The following SIK3 variants were observed in gnomAD, a reference collection of about 807,000 sequenced individuals.
The protein encoded by SIK3 is serine/threonine-protein kinase SIK3.
A neutral mutation model predicts 144.2 loss-of-function variants in SIK3; 28 were observed. The observed-to-expected ratio is 0.19, with a 90% CI of 0.14 to 0.27. SIK3 has a LOEUF of 0.27. Among genes scored for constraint, SIK3 ranks in the 10% least tolerant of loss-of-function variants. The pLI is 1.00. For missense variants in SIK3, 1,319 were observed against 1,776.0 expected (o/e 0.74, Z 4.62); for synonymous variants, 686 against 676.3 (o/e 1.01, Z -0.22).
At chr11:116,948,576 C>G (rs1042670827) in intron 3 of SIK3, among the ~76,000 whole-genome samples, 3 of 152,058 alleles carry the variant, frequency 2.0e-5, no homozygotes, top group African/African-American at 7.2e-5. Context: ...CATGCCCAGC[C>G]CATTTTTGTT....
At chr11:116,902,546 A>G (rs1362466954) in intron 4 of SIK3, among the ~76,000 whole-genome samples, 1 of 152,248 alleles carries the variant, frequency 6.6e-6, no homozygotes, top group Non-Finnish European at 1.5e-5. Flanking sequence ...CATCTGCAGA[A>G]GCACCTGCTT....
chr11:117,048,652 G>A (rs112151056), intron 1 of SIK3, among the ~76,000 whole-genome samples: 24,697 of 151,146 alleles, frequency 0.16, 2,129 homozygotes, highest in Admixed American at 0.21. Context: ...GCGAAACTCC[G>A]TCTCAAAAAA....
intron 1 of SIK3, among the ~76,000 whole-genome samples, chr11:116,995,653 G>A (rs374242238): frequency 3.9e-5 from 6 of 152,218 alleles, no homozygotes; most frequent in East Asian, 3.9e-4. Context: ...ATCGTCTAGT[G>A]ATTGCTCTTA....
At chr11:116,906,075 T>A (rs1185729968) in intron 4 of SIK3, among the ~76,000 whole-genome samples, 1 of 152,096 alleles carries the variant, frequency 6.6e-6, no homozygotes, top group African/African-American at 2.4e-5. Flanking sequence ...TTACAGGCAA[T>A]AAGGAGTTGC....
chr11:116,858,316 T>C lies in SIK3; in HGVS notation c.3149A>G (p.Gln1050Arg). Residue 1050 changes from glutamine to arginine, a missense_variant, in exon 21 of 25, where the codon CAA (glutamine) becomes CGA (arginine). This residue lies in a region of SIK3 where 646 missense variants were observed against 763.7 expected (regional missense o/e 0.85). Coordinates refer to ENST00000445177, the MANE Select transcript of SIK3 (RefSeq NM_001366686.3). This position sits in a 1 kb window ranked among gnomAD's most constrained non-coding sequence, Gnocchi z 5.4. ...CTGCTGTTGCTGCTGCTGCTGCCGTTGTTGCTGCTGCCTTTTAATGAGCTG... is the reference window on the plus strand; with the variant it reads ...CTGCTGTTGCTGCTGCTGCTGCCGTCGTTGCTGCTGCCTTTTAATGAGCTG... ...FAQLIKRQQQ[Q>R]RQQQQQQQQQ... 1.2e-6 allele frequency: 2 copies of C among 1,613,378 alleles called. No homozygotes were observed. The highest frequency in any genetic ancestry group is 1.7e-6 in the Non-Finnish European group (2 of 1,179,512).
intron 6 of SIK3, among the ~76,000 whole-genome samples, chr11:116,882,797 T>C (rs1944612771): frequency 6.6e-6 from 1 of 152,204 alleles, no homozygotes; most frequent in African/African-American, 2.4e-5. Flanking sequence ...ATATTTTCAA[T>C]AATTTAAACA....
At chr11:117,005,335 A>AG (rs1439685376) in intron 1 of SIK3, among the ~76,000 whole-genome samples, 3 of 110,794 alleles carry the variant, frequency 2.7e-5, no homozygotes, top group African/African-American at 9.2e-5. Context: ...ACCCCGTCTC[A>AG]GAAAAAAAAA....
In SIK3 at chr11:116,944,379, T is replaced by C. The variant is rs371840129; in HGVS notation, c.454+9665A>G. 1.2e-4 allele frequency among the ~76,000 whole-genome samples: 19 copies of C among 152,308 alleles called. No individual in the cohort carries two copies. The East Asian group carries it at 3.7e-3, about 29-fold the overall frequency. ...TCTCAGGGTAGAGGCTGGATATACA[T>C]TGTTGGCTGCACAACAGCGTGACTT... On this transcript the variant is annotated intron_variant, in intron 3 of 24. Coordinates refer to ENST00000445177, the MANE Select transcript of SIK3 (RefSeq NM_001366686.3).
chr11:116,968,085 T>G (rs1949625228), intron 1 of SIK3, among the ~76,000 whole-genome samples: 1 of 152,234 alleles, frequency 6.6e-6, no homozygotes. Context: ...TTAAGTAACT[T>G]AAATCAATCC....
intron 4 of SIK3, among the ~76,000 whole-genome samples, chr11:116,923,118 G>A (rs1353811396): frequency 2.0e-5 from 3 of 151,882 alleles, no homozygotes; most frequent in Non-Finnish European, 2.9e-5. Flanking sequence ...TTTTCACCAC[G>A]TTGGCCAGGC....
Position 116,878,416 on chromosome 11 carries a change from T to C in SIK3, c.866-1374A>G, listed in dbSNP as rs141426477. Among the ~76,000 whole-genome samples, 31 of 150,868 alleles carry C rather than the reference T, an allele frequency of 2.1e-4. 1 individual carries two copies. Among genetic ancestry groups the C allele is most frequent in the African/African-American group, 7.1e-4 (29 of 40,968 alleles). On this transcript the variant is annotated intron_variant, in intron 6 of 24. Transcript: ENST00000445177. ...TTTTTTTACATAGAGTCTCGCTCTG[T>C]CACCCAGGCTGTGGAGTGCAGTGTG...
intron 4 of SIK3, among the ~76,000 whole-genome samples, chr11:116,924,363 G>T (rs1244132786): frequency 6.6e-6 from 1 of 150,632 alleles, no homozygotes; most frequent in Non-Finnish European, 1.5e-5. Context: ...TCAAAATCAA[G>T]AACCAAGGGA....
chr11:116,963,771 A>C (rs1949430553), intron 1 of SIK3, among the ~76,000 whole-genome samples: 1 of 152,216 alleles, frequency 6.6e-6, no homozygotes, highest in Admixed American at 6.5e-5. Context: ...TATAGGGCAT[A>C]ATGCTTTCAC....
At chr11:117,088,847 TTTA>T (rs142032672) in intron 1 of SIK3, among the ~76,000 whole-genome samples, 10,508 of 151,716 alleles carry the variant, frequency 0.069, 625 homozygotes, top group African/African-American at 0.16. Context: ...CCTGGTTATT[TTTA>T]TTATTATTAT....
At chr11:116,996,817 CTCAAAAAAA>C in intron 1 of SIK3, among the ~76,000 whole-genome samples, 1 of 51,020 alleles carries the variant, frequency 2.0e-5, no homozygotes, top group South Asian at 8.6e-4. Context: ...GAGACTCTCT[CTCAAAAAAA>C]AAAAAAAAAA....
At position 117,023,619 on chromosome 11, in the gene SIK3, A is replaced by AT. The variant is rs374740569; in HGVS notation, c.274-66556_274-66555insA. Among the ~76,000 whole-genome samples the AT allele has an allele frequency of 8.5e-3, 844 of 99,796 alleles. 12 individuals are homozygous for AT. The highest frequency in any genetic ancestry group is 0.01 in the Non-Finnish European group (526 of 51,124). The allele number at this position is 99,796 out of a possible 152,430, so 65.5% of individuals were successfully genotyped here. ...AAACAAACAAACAAACAAAAAAAAA[A>AT]AAATATATATATATATATATATATA... On this transcript the variant is annotated intron_variant, in intron 1 of 24. Coordinates refer to ENST00000445177, the MANE Select transcript of SIK3 (RefSeq NM_001366686.3).
intron 1 of SIK3, among the ~76,000 whole-genome samples, chr11:116,973,507 T>C (rs1328130411): frequency 1.3e-5 from 2 of 152,240 alleles, no homozygotes; most frequent in South Asian, 2.1e-4. Context: ...TCAGGCTCCT[T>C]AGTTTACCAA....
At chr11:116,951,602 C>T (rs1270632624) in intron 3 of SIK3, among the ~76,000 whole-genome samples, 5 of 152,098 alleles carry the variant, frequency 3.3e-5, no homozygotes, top group Non-Finnish European at 5.9e-5. Flanking sequence ...CCTTGAGGTA[C>T]ATTCACATGA....
chr11:117,038,619 T>C (rs1591589432), intron 1 of SIK3, among the ~76,000 whole-genome samples: 1 of 151,984 alleles, frequency 6.6e-6, no homozygotes, highest in Non-Finnish European at 1.5e-5. Context: ...TCTCAAAGTG[T>C]TGGGATTACA....
Sources: gnomAD v4.1 joint callset for allele counts (sites outside exome capture counted in the v4.1 genomes callset) on GRCh38, gnomAD v4.1.1 for gene constraint, gnomAD v4.1.1 regional missense constraint, Gnocchi (gnomAD v3.1) non-coding constraint, MANE v1.5 for transcripts, NCBI Gene and HGNC (gene_info 2026-07-23, HGNC 2026-07-21) for gene names.